Variants in THSD7B observed in about 807,000 individuals in gnomAD.
The protein encoded by THSD7B is thrombospondin type-1 domain-containing protein 7B.
In THSD7B, 138 loss-of-function variants were observed where a neutral mutation model predicts 213.6. The observed-to-expected ratio is 0.65, with a 90% CI of 0.56 to 0.74. THSD7B has a LOEUF of 0.74. Ranked by LOEUF, THSD7B falls within the 30% of genes least tolerant of loss-of-function variation. THSD7B has a pLI of 0.00. For synonymous variants in THSD7B, 742 were observed against 687.0 expected (o/e 1.08, Z -1.25); for missense variants, 1,931 against 1,991.5 (o/e 0.97, Z 0.58).
intron 12 of THSD7B, among the ~76,000 whole-genome samples, chr2:137,329,050 A>C: frequency 6.6e-6 from 1 of 152,204 alleles, no homozygotes; most frequent in East Asian, 1.9e-4. Context: ...ATACCCAAAA[A>C]TGTGGAAGTA....
At chr2:137,406,469 T>C (rs543096358) in intron 13 of THSD7B, among the ~76,000 whole-genome samples, 6 of 152,352 alleles carry the variant, frequency 3.9e-5, no homozygotes, top group African/African-American at 1.4e-4. Context: ...ACAACTTCTC[T>C]TAACTTCTTA....
At chr2:137,648,317 G>A (rs1683075212) in intron 21 of THSD7B, among the ~76,000 whole-genome samples, 2 of 151,902 alleles carry the variant, frequency 1.3e-5, no homozygotes, top group Non-Finnish European at 2.9e-5. Flanking sequence ...CAAATACTGG[G>A]TCTTATTTCT....
chr2:137,522,804 C>T (rs866655522), intron 15 of THSD7B, among the ~76,000 whole-genome samples: 1 of 152,202 alleles, frequency 6.6e-6, no homozygotes, highest in Non-Finnish European at 1.5e-5. Flanking sequence ...TGCTGTGACA[C>T]AGTATACACT....
intron 17 of THSD7B, among the ~76,000 whole-genome samples, chr2:137,601,137 A>T (rs1292930936): frequency 2.0e-5 from 3 of 152,234 alleles, no homozygotes; most frequent in African/African-American, 4.8e-5. Context: ...AAAATAAAAA[A>T]GTTACAGTAA....
In THSD7B at chr2:137,162,908, C is replaced by T. The variant is rs749513283; in HGVS notation, c.1525+2540C>T. Among the ~76,000 whole-genome samples the T allele has an allele frequency of 5.9e-5, 9 of 152,080 alleles. No homozygotes were observed. The South Asian group carries it at 1.0e-3, about 18-fold the overall frequency. The stretch of plus-strand genomic sequence containing the variant: ...CCGAGTAGCTGGGATTGCAGGCATG[C>T]GCCACCATGTCTGATTAATTTTTGT... On this transcript the variant is annotated intron_variant, in intron 6 of 27. Coordinates refer to ENST00000409968, the MANE Select transcript of THSD7B (RefSeq NM_001316349.2).
intron 15 of THSD7B, among the ~76,000 whole-genome samples, chr2:137,513,926 TAA>T (rs987008869): frequency 1.3e-5 from 2 of 152,248 alleles, no homozygotes; most frequent in East Asian, 3.8e-4. Flanking sequence ...TTTATTTTTA[TAA>T]GTTATAATTT....
chr2:137,094,519 C>T (rs1009181918), intron 3 of THSD7B, among the ~76,000 whole-genome samples: 4 of 151,722 alleles, frequency 2.6e-5, no homozygotes, highest in Non-Finnish European at 5.9e-5. Context: ...GGTTGCATCA[C>T]TGCACTTCAG....
Position 137,160,235 on chromosome 2 carries a change from A to G in THSD7B, c.1392A>G (p.Ala464=). The G allele has an allele frequency of 1.9e-6, 3 of 1,613,474 alleles. No individual in the cohort carries two copies. Among genetic ancestry groups the G allele is most frequent in the Non-Finnish European group, 2.5e-6 (3 of 1,179,594 alleles). ...CAGTCTCTAGACCTGTGGAAAAGGCATTATGTGTGGGACCCGCCCCGTTGC... is the reference window on the plus strand; with the variant it reads ...CAGTCTCTAGACCTGTGGAAAAGGCGTTATGTGTGGGACCCGCCCCGTTGC... ...AKEVSRPVEK[A]LCVGPAPLPS... Residue 464 remains alanine (A), a synonymous_variant, in exon 6 of 28, where the codon GCA becomes GCG. Transcript: ENST00000409968.
intron 2 of THSD7B, among the ~76,000 whole-genome samples, chr2:137,037,038 T>G (rs150355727): frequency 7.9e-5 from 12 of 152,314 alleles, no homozygotes; most frequent in African/African-American, 2.9e-4. Context: ...GACTCAGTGT[T>G]CCTAAAGCCT....
intron 1 of THSD7B, among the ~76,000 whole-genome samples, chr2:136,786,989 G>A (rs976209128): frequency 3.9e-5 from 6 of 152,162 alleles, no homozygotes; most frequent in African/African-American, 1.4e-4. Context: ...AGCAGTCTTT[G>A]AGTGAGGCAT....
intron 2 of THSD7B, among the ~76,000 whole-genome samples, chr2:136,994,775 T>TAACA (rs1050886483): frequency 6.6e-6 from 1 of 152,200 alleles, no homozygotes; most frequent in Admixed American, 6.5e-5. Flanking sequence ...GCATCAATAC[T>TAACA]AACATTCAAA....
At chr2:137,307,900 A>G (rs757532301) in intron 12 of THSD7B, among the ~76,000 whole-genome samples, 26 of 152,064 alleles carry the variant, frequency 1.7e-4, no homozygotes, top group Admixed American at 1.5e-3. Context: ...CTCTTATAAT[A>G]CAAGGAGTCT....
chr2:137,388,786 G>A (rs1239033804), intron 12 of THSD7B, among the ~76,000 whole-genome samples: 1 of 151,974 alleles, frequency 6.6e-6, no homozygotes, highest in East Asian at 1.9e-4. Flanking sequence ...TCTGCACCTG[G>A]CTTGTTTCAC....
At chr2:137,069,357 C>G (rs1687437568) in intron 3 of THSD7B, among the ~76,000 whole-genome samples, 1 of 151,816 alleles carries the variant, frequency 6.6e-6, no homozygotes, top group Non-Finnish European at 1.5e-5. Context: ...AGTAAAAGTA[C>G]ATCTGAATTA....
chr2:137,539,584 A>G (rs1680569377), intron 15 of THSD7B, among the ~76,000 whole-genome samples: 1 of 151,742 alleles, frequency 6.6e-6, no homozygotes, highest in African/African-American at 2.4e-5. Context: ...GTCATGTGCA[A>G]ACAGCTTGTA....
chr2:137,156,821 G>A (rs1281636403), intron 5 of THSD7B, among the ~76,000 whole-genome samples: 2 of 152,182 alleles, frequency 1.3e-5, no homozygotes, highest in African/African-American at 2.4e-5. Context: ...GAGTTGCTCC[G>A]GTTGATTGAG....
chr2:137,218,289 T>C (rs574785270), intron 7 of THSD7B, among the ~76,000 whole-genome samples: 1 of 152,286 alleles, frequency 6.6e-6, no homozygotes, highest in East Asian at 1.9e-4. Context: ...GTCACTATTA[T>C]TGTTCTGAAG....
intron 2 of THSD7B, among the ~76,000 whole-genome samples, chr2:137,022,292 A>G (rs1686459045): frequency 6.6e-6 from 1 of 152,178 alleles, no homozygotes; most frequent in African/African-American, 2.4e-5. Flanking sequence ...ACCATTTTGC[A>G]TTCTCACTAG....
chr2:136,878,738 A>C (rs1683567239), intron 1 of THSD7B, among the ~76,000 whole-genome samples: 1 of 152,248 alleles, frequency 6.6e-6, no homozygotes, highest in South Asian at 2.1e-4. Flanking sequence ...CTGTTCATAG[A>C]CTTCGCCCAC....
Sources: gnomAD v4.1 joint callset for allele counts (sites outside exome capture counted in the v4.1 genomes callset) on GRCh38, gnomAD v4.1.1 for gene constraint, MANE v1.5 for transcripts, NCBI Gene and HGNC (gene_info 2026-07-23, HGNC 2026-07-21) for gene names.